XYLB: variants seen among roughly 807,000 people sequenced by gnomAD.
XYLB encodes xylulokinase, also known as xylulose kinase.
XYLB carries 62 observed loss-of-function variants against 78.7 expected under a neutral mutation model. The observed-to-expected ratio is 0.79, with a 90% CI of 0.64 to 0.97. The LOEUF is 0.97. XYLB is among the 50% of genes least tolerant of loss of function. The probability of loss-of-function intolerance (pLI) is 0.00; values close to 1 mark genes in which losing one functional copy is unlikely to be tolerated. For missense variants in XYLB, 687 were observed against 676.8 expected (o/e 1.02, Z -0.17); for synonymous variants, 245 against 247.4 (o/e 0.99, Z 0.09).
the XYLB span, among the ~76,000 whole-genome samples, chr3:38,431,463 G>A: frequency 2.0e-5 from 3 of 152,102 alleles, no homozygotes; most frequent in African/African-American, 7.2e-5. Context: ...GAGACGATGG[G>A]GTTTTCTAAA....
At chr3:38,379,903 C>T (rs186558826) in intron 15 of XYLB, among the ~76,000 whole-genome samples, 1 of 152,110 alleles carries the variant, frequency 6.6e-6, no homozygotes, top group Non-Finnish European at 1.5e-5. Flanking sequence ...TTATTTCTTA[C>T]AGTTATGGAG....
At position 38,414,063 on chromosome 3, in the gene XYLB, A is replaced by G. The variant is rs879867301; in HGVS notation, c.*1050A>G. On this transcript the variant is annotated 3_prime_UTR_variant, in exon 19 of 19. Coordinates refer to ENST00000207870, the MANE Select transcript of XYLB (RefSeq NM_005108.4). ...TGCTCAAATTATTGCAAAAGCCTCT[A>G]TAGAAAGTCCTCTGTGATCTGACTC... The G allele has an allele frequency of 7.2e-5, 11 of 152,104 alleles. No homozygotes were observed. Among genetic ancestry groups the G allele is most frequent in the African/African-American group, 1.2e-4 (5 of 41,400 alleles). The allele number at this position is 152,104 out of a possible 1,614,324, so 9.4% of individuals were successfully genotyped here. A position where few individuals can be genotyped will look rare whatever the true frequency, so the allele number is the denominator to read the frequency against.
the XYLB span, among the ~76,000 whole-genome samples, chr3:38,439,498 C>T: frequency 1.3e-5 from 2 of 152,220 alleles, no homozygotes; most frequent in African/African-American, 4.8e-5. Context: ...CGCAGTGGCT[C>T]ACGCCTGTAA....
intron 18 of XYLB, 148 bp from the exon 19 acceptor site, chr3:38,412,788 C>A: frequency 1.5e-6 from 1 of 672,276 alleles, no homozygotes; most frequent in South Asian, 2.0e-5. Flanking sequence ...GCTAGCATTT[C>A]CTCTTTTGTG....
chr3:38,353,900 A>AAG lies in XYLB; in HGVS notation c.140+5269_140+5270insGA, dbSNP rs1356331200. Among the ~76,000 whole-genome samples the AAG allele has an allele frequency of 3.8e-4, 57 of 150,220 alleles. 1 individual carries two copies. Among genetic ancestry groups the AAG allele is most frequent in the Middle Eastern group, 6.9e-3 (2 of 290 alleles). Reference sequence around the variant, plus strand: ...AGACTCCATATAAAAAAAAAAAAAAAAAGAAGTCCATCTTTACCTCCATGA... The same window carrying AAG: ...AGACTCCATATAAAAAAAAAAAAAAAAGAAGAAGTCCATCTTTACCTCCATGA... On this transcript the variant is annotated intron_variant, in intron 2 of 18. Transcript: ENST00000207870.
chr3:38,401,392 C>A (rs1192942303), intron 18 of XYLB, among the ~76,000 whole-genome samples: 2 of 152,128 alleles, frequency 1.3e-5, no homozygotes, highest in Admixed American at 6.5e-5. Context: ...AGGCAGACCT[C>A]ACTTGTTGCA....
the XYLB span, among the ~76,000 whole-genome samples, chr3:38,428,307 G>A: frequency 6.6e-6 from 1 of 152,180 alleles, no homozygotes; most frequent in Non-Finnish European, 1.5e-5. Context: ...CTCTTGTTGA[G>A]TGTTCTGTAA....
At chr3:38,368,146 T>C (rs779012069) in intron 7 of XYLB, 39 bp from the exon 8 acceptor site, 10 of 1,580,280 alleles carry the variant, frequency 6.3e-6, no homozygotes, top group Non-Finnish European at 8.7e-6. Flanking sequence ...GTAGGGTATG[T>C]GGAAGTGAGG....
At chr3:38,433,943 A>AT in the XYLB span, among the ~76,000 whole-genome samples, 1 of 152,196 alleles carries the variant, frequency 6.6e-6, no homozygotes, top group Non-Finnish European at 1.5e-5. Context: ...AGACTAGGTA[A>AT]TTTATAAAGA....
At chr3:38,394,638 C>T (rs977072143) in intron 15 of XYLB, among the ~76,000 whole-genome samples, 3 of 152,178 alleles carry the variant, frequency 2.0e-5, no homozygotes, top group Non-Finnish European at 4.4e-5. Context: ...AACAAATTAT[C>T]TCAAAATTTA....
the XYLB span, among the ~76,000 whole-genome samples, chr3:38,447,550 C>T: frequency 1.4e-5 from 2 of 147,622 alleles, no homozygotes; most frequent in African/African-American, 2.5e-5. Flanking sequence ...AACTCCTGAA[C>T]TCCAGCAATC....
At chr3:38,382,988 C>T (rs115457317) in intron 15 of XYLB, among the ~76,000 whole-genome samples, 1,850 of 152,316 alleles carry the variant, frequency 0.012, 27 homozygotes, top group Middle Eastern at 0.02. Context: ...TGTGGACTGG[C>T]CAGCTCTTTC....
At chr3:38,443,024 T>C in the XYLB span, among the ~76,000 whole-genome samples, 1 of 152,112 alleles carries the variant, frequency 6.6e-6, no homozygotes, top group Non-Finnish European at 1.5e-5. Flanking sequence ...AATAAGGATA[T>C]GGGACTTTCA....
At chr3:38,405,691 CT>C (rs1219024202) in intron 18 of XYLB, among the ~76,000 whole-genome samples, 2 of 152,262 alleles carry the variant, frequency 1.3e-5, no homozygotes, top group Non-Finnish European at 2.9e-5. Context: ...TAATACTGCG[CT>C]TTTCCGACAG....
intron 9 of XYLB, among the ~76,000 whole-genome samples, chr3:38,372,223 A>G (rs1345475730): frequency 6.6e-6 from 1 of 151,834 alleles, no homozygotes; most frequent in Non-Finnish European, 1.5e-5. Flanking sequence ...TTCACGTCCA[A>G]TTATTGTTAA....
At chr3:38,384,834 T>G (rs1380461894) in intron 15 of XYLB, among the ~76,000 whole-genome samples, 33 of 152,208 alleles carry the variant, frequency 2.2e-4, no homozygotes, top group Admixed American at 2.0e-3. Context: ...GTGTATATAT[T>G]TAACAGAAAT....
chr3:38,415,764 A>G (rs1708769092), downstream of XYLB, among the ~76,000 whole-genome samples: 1 of 152,194 alleles, frequency 6.6e-6, no homozygotes, highest in African/African-American at 2.4e-5. Flanking sequence ...CCTGGGCAAC[A>G]GTGAGACTCT....
rs982776075 is a variant in XYLB, at chr3:38,411,477, A to G, written c.1534-1459A>G. ...GCACACCAGCATGGCACATGTATAC[A>G]TATGTAACTAACCTGCACATTGTGC... On this transcript the variant is annotated intron_variant, in intron 18 of 18. Coordinates refer to ENST00000207870, the MANE Select transcript of XYLB (RefSeq NM_005108.4). 3.3e-5 allele frequency among the ~76,000 whole-genome samples: 5 copies of G among 152,124 alleles called. No homozygotes were observed. In the East Asian group the frequency reaches 7.7e-4, roughly 24 times the overall value.
intron 1 of XYLB, 87 bp from the exon 2 acceptor site, chr3:38,348,463 G>A: frequency 7.9e-7 from 1 of 1,270,460 alleles, no homozygotes; most frequent in Non-Finnish European, 1.1e-6. Flanking sequence ...CTAGGGTGTG[G>A]GGCCTCATCT....
Sources: allele counts gnomAD v4.1 joint callset (sites outside exome capture counted in the v4.1 genomes callset), GRCh38; gene constraint gnomAD v4.1.1; transcripts MANE v1.5; gene names NCBI Gene and HGNC (gene_info 2026-07-23, HGNC 2026-07-21).